Variants in TM9SF4 observed in about 807,000 individuals in gnomAD.
The protein encoded by TM9SF4 is transmembrane 9 superfamily member 4.
Under a neutral mutation model 90.4 loss-of-function variants are expected in TM9SF4, and 26 were observed. The ratio of observed to expected loss-of-function variants is 0.29; its 90% CI spans 0.21 to 0.40. TM9SF4 has a LOEUF of 0.40. TM9SF4 is among the 10% of genes least tolerant of loss of function. The pLI is 1.00. For synonymous variants in TM9SF4, 293 were observed against 315.4 expected (o/e 0.93, Z 0.75); for missense variants, 549 against 834.8 (o/e 0.66, Z 4.22).
intron 1 of TM9SF4, among the ~76,000 whole-genome samples, chr20:32,117,989 G>A (rs2046251654): frequency 6.6e-6 from 1 of 152,134 alleles, no homozygotes; most frequent in South Asian, 2.1e-4. Flanking sequence ...AAAATTAAAA[G>A]AAAATTTAAA....
In TM9SF4 at chr20:32,165,636, T is replaced by C. The variant is rs1445551361; in HGVS notation, c.*192T>C. On this transcript the variant is annotated 3_prime_UTR_variant, in exon 18 of 18. Coordinates refer to ENST00000398022, the MANE Select transcript of TM9SF4 (RefSeq NM_014742.4). ...TAATCTTGCGTTTTTCGTCATCTTA[T>C]TCCAGTTCTGTGGGGGATGAGTTTT... 1.6e-6 allele frequency: 1 copy of C among 637,224 alleles called. No individual in the cohort carries two copies. The highest frequency in any genetic ancestry group is 2.6e-6 in the Non-Finnish European group (1 of 378,644). The allele number at this position is 637,224 out of a possible 1,614,324, so 39.5% of individuals were successfully genotyped here. A position where few individuals can be genotyped will look rare whatever the true frequency, so the allele number is the denominator to read the frequency against.
intron 10 of TM9SF4, 137 bp downstream of exon 10, chr20:32,149,903 G>A (rs974980144): frequency 3.3e-6 from 4 of 1,214,474 alleles, no homozygotes; most frequent in Non-Finnish European, 3.4e-6. Context: ...AGTATCTCTG[G>A]GCCAGACAGG....
chr20:32,165,648 G>A lies in TM9SF4; in HGVS notation c.*204G>A, dbSNP rs1600356596. On this transcript the variant is annotated 3_prime_UTR_variant, in exon 18 of 18. Transcript: ENST00000398022. The stretch of plus-strand genomic sequence containing the variant: ...TTTCGTCATCTTATTCCAGTTCTGT[G>A]GGGGATGAGTTTTTTTGTGGGTTGC... 1.2e-5 allele frequency: 7 copies of A among 593,372 alleles called. No individual in the cohort carries two copies. In the East Asian group the frequency reaches 2.0e-4, roughly 17 times the overall value. The allele number at this position is 593,372 out of a possible 1,614,324, so 36.8% of individuals were successfully genotyped here.
intron 9 of TM9SF4, among the ~76,000 whole-genome samples, chr20:32,149,109 TA>T (rs1479978874): frequency 6.6e-6 from 1 of 152,238 alleles, no homozygotes; most frequent in Non-Finnish European, 1.5e-5. Context: ...CATATATACA[TA>T]AAAGGTTAAA....
At chr20:32,122,002 G>A (rs1355204776) in intron 1 of TM9SF4, among the ~76,000 whole-genome samples, 20 of 143,220 alleles carry the variant, frequency 1.4e-4, no homozygotes, top group Admixed American at 1.3e-3. Flanking sequence ...CCTCCCTCCC[G>A]GACAGGGTGG....
intron 1 of TM9SF4, among the ~76,000 whole-genome samples, chr20:32,130,013 G>A (rs35248350): frequency 0.12 from 17,753 of 152,202 alleles, 1,217 homozygotes; most frequent in East Asian, 0.18. Flanking sequence ...ATGTACTTTT[G>A]GGGGACTTTT....
chr20:32,160,133 G>A (rs766081278), intron 16 of TM9SF4, 22 bp downstream of exon 16: 1 of 1,614,068 alleles, frequency 6.2e-7, no homozygotes, highest in Middle Eastern at 1.6e-4. Context: ...AGGGCCAGGA[G>A]GCGGGGGAGG....
intron 1 of TM9SF4, among the ~76,000 whole-genome samples, chr20:32,127,742 C>T (rs889593246): frequency 2.6e-5 from 4 of 152,188 alleles, no homozygotes; most frequent in South Asian, 4.1e-4. Context: ...ACCTGAGCTT[C>T]GCAGAGAGCC....
chr20:32,163,857 T>TG (rs2047063234), intron 17 of TM9SF4, among the ~76,000 whole-genome samples: 1 of 152,068 alleles, frequency 6.6e-6, no homozygotes. Flanking sequence ...GTGATCCGTC[T>TG]GCCTCAGCCT....
chr20:32,137,310 T>C (rs1046478199), intron 3 of TM9SF4, among the ~76,000 whole-genome samples: 1 of 152,176 alleles, frequency 6.6e-6, no homozygotes, highest in Non-Finnish European at 1.5e-5. Context: ...GGTCCTGATA[T>C]CAGGCCCCTC....
chr20:32,146,895 G>T (rs929998161), intron 9 of TM9SF4, 40 bp downstream of exon 9: 1 of 1,583,494 alleles, frequency 6.3e-7, no homozygotes, highest in Non-Finnish European at 8.7e-7. Flanking sequence ...GTTGGATGGG[G>T]AGGGGAGGAG....
intron 1 of TM9SF4, among the ~76,000 whole-genome samples, chr20:32,121,822 G>C (rs1238914931): frequency 2.0e-5 from 3 of 149,924 alleles, no homozygotes; most frequent in Non-Finnish European, 4.5e-5. Flanking sequence ...GCGGCTGGCC[G>C]GGCGGGGGGC....
chr20:32,154,020 C>T (rs559206211), intron 12 of TM9SF4, among the ~76,000 whole-genome samples: 4 of 152,292 alleles, frequency 2.6e-5, no homozygotes, highest in South Asian at 2.1e-4. Flanking sequence ...TCCAGACTTG[C>T]GTGAGGATTA....
chr20:32,121,896 C>G (rs2046316221), intron 1 of TM9SF4, among the ~76,000 whole-genome samples: 2 of 146,618 alleles, frequency 1.4e-5, no homozygotes, highest in Admixed American at 1.3e-4. Context: ...CCCCCCACCT[C>G]CCTCCCGGAC....
At chr20:32,156,413 G>T (rs1305815038) in intron 13 of TM9SF4, among the ~76,000 whole-genome samples, 1 of 152,146 alleles carries the variant, frequency 6.6e-6, no homozygotes, top group Non-Finnish European at 1.5e-5. Context: ...ATTCATAGGG[G>T]ATTGGTTCCA....
chr20:32,114,639 GT>G (rs1489604312), intron 1 of TM9SF4, among the ~76,000 whole-genome samples: 1 of 152,186 alleles, frequency 6.6e-6, no homozygotes, highest in East Asian at 1.9e-4. Flanking sequence ...AGCAAAAACT[GT>G]TTTTAATGGT....
In TM9SF4 at chr20:32,160,123, AG is replaced by A; in HGVS notation, c.1689+15del. 2 of 1,614,104 alleles carry A rather than the reference AG, an allele frequency of 1.2e-6. No homozygotes were observed. Among genetic ancestry groups the A allele is most frequent in the Non-Finnish European group, 1.7e-6 (2 of 1,179,998 alleles). ...AGCTGTGTGCAGAGGTGAGGAGAGCAGGGCCAGGAGGCGGGGGAGGGAGAAC... is the reference window on the plus strand; with the variant it reads ...AGCTGTGTGCAGAGGTGAGGAGAGCAGGCCAGGAGGCGGGGGAGGGAGAAC... On this transcript the variant is annotated intron_variant, in intron 16 of 17. Coordinates refer to ENST00000398022, the MANE Select transcript of TM9SF4 (RefSeq NM_014742.4).
At chr20:32,152,954 C>G (rs2046864853) in intron 12 of TM9SF4, among the ~76,000 whole-genome samples, 1 of 152,266 alleles carries the variant, frequency 6.6e-6, no homozygotes, top group South Asian at 2.1e-4. Context: ...AAATTTCAGC[C>G]AGGAAGGCAG....
At position 32,136,101 on chromosome 20, in the gene TM9SF4, C is replaced by T; in HGVS notation, c.157C>T (p.Gln53Ter). The T allele has an allele frequency of 6.2e-7, 1 of 1,614,162 alleles. No homozygotes were observed. The highest frequency in any genetic ancestry group is 8.5e-7 in the Non-Finnish European group (1 of 1,180,006). ...TGTGAAGCTCACCAGCTCTCGAACC[C>T]AGCTACCTTATGAATACTATTCACT... ...KAVKLTSSRT[Q>*]LPYEYYSLPF... is the part of the protein sequence containing the mutation. Residue 53 changes from glutamine to a stop codon, truncating the protein, a stop_gained, in exon 3 of 18, where the codon CAG (glutamine) becomes TAG (stop). Coordinates refer to ENST00000398022, the MANE Select transcript of TM9SF4 (RefSeq NM_014742.4). LOFTEE classifies it high-confidence loss of function.
Sources: gnomAD v4.1 joint callset for allele counts (sites outside exome capture counted in the v4.1 genomes callset) on GRCh38, gnomAD v4.1.1 for gene constraint, MANE v1.5 for transcripts, NCBI Gene and HGNC (gene_info 2026-07-23, HGNC 2026-07-21) for gene names.